RAB28: variants seen among roughly 807,000 people sequenced by gnomAD.
RAB28 encodes the protein ras-related protein Rab-28.
In RAB28, 24 loss-of-function variants were observed where a neutral mutation model predicts 31.7. The observed-to-expected ratio is 0.76, with a 90% CI of 0.55 to 1.06. The LOEUF is 1.06. Among genes scored for constraint, RAB28 ranks in the 50% least tolerant of loss-of-function variants. The pLI, the probability that RAB28 is intolerant of heterozygous loss-of-function variation, is 0.00. For missense variants in RAB28, 254 were observed against 258.5 expected, an observed-to-expected ratio of 0.98 and a Z score of 0.12; for synonymous variants, 100 against 90.4, an observed-to-expected ratio of 1.11 and a Z score of -0.60.
intron 3 of RAB28, among the ~76,000 whole-genome samples, chr4:13,462,830 C>T (rs1032030945): frequency 8.5e-5 from 13 of 152,170 alleles, no homozygotes; most frequent in African/African-American, 3.1e-4. Context: ...GAGTATCTCA[C>T]TTTCTTATTA....
intron 4 of RAB28, among the ~76,000 whole-genome samples, chr4:13,390,906 A>T (rs9993091): frequency 0.094 from 14,286 of 152,252 alleles, 1,325 homozygotes; most frequent in African/African-American, 0.24. Flanking sequence ...AAATTAATTC[A>T]AGATGGATTA....
chr4:13,414,141 G>A (rs1017911230), intron 4 of RAB28, among the ~76,000 whole-genome samples: 3 of 152,080 alleles, frequency 2.0e-5, no homozygotes, highest in Non-Finnish European at 4.4e-5. Context: ...CAAAAGCTAC[G>A]GTTTCTAACA....
At chr4:13,376,721 G>A in intron 5 of RAB28, 99 bp from the exon 6 acceptor site, 1 of 672,520 alleles carries the variant, frequency 1.5e-6, no homozygotes, top group Non-Finnish European at 2.5e-6. Context: ...AGCAATAATT[G>A]CAAAAATATG....
At chr4:13,409,952 T>C (rs1196452423) in intron 4 of RAB28, among the ~76,000 whole-genome samples, 4 of 152,114 alleles carry the variant, frequency 2.6e-5, no homozygotes. Context: ...GACTGGATCA[T>C]GGGAGTGGTT....
At chr4:13,401,193 G>A (rs1461781166) in intron 4 of RAB28, among the ~76,000 whole-genome samples, 1 of 152,138 alleles carries the variant, frequency 6.6e-6, no homozygotes, top group African/African-American at 2.4e-5. Flanking sequence ...TGGATCCACA[G>A]TATTCTTTGT....
chr4:13,435,573 A>T (rs1429596596), intron 4 of RAB28, among the ~76,000 whole-genome samples: 1 of 152,208 alleles, frequency 6.6e-6, no homozygotes, highest in Non-Finnish European at 1.5e-5. Flanking sequence ...ACTACAAAAG[A>T]TCCCCAAAGA....
chr4:13,417,267 G>C (rs552893408), intron 4 of RAB28, among the ~76,000 whole-genome samples: 7 of 152,204 alleles, frequency 4.6e-5, no homozygotes, highest in Non-Finnish European at 8.8e-5. Flanking sequence ...CCACAGCTCT[G>C]CAAGGAAGGC....
At chr4:13,443,996 T>C (rs1028074154) in intron 4 of RAB28, among the ~76,000 whole-genome samples, 3 of 152,134 alleles carry the variant, frequency 2.0e-5, no homozygotes, top group Non-Finnish European at 2.9e-5. Context: ...TTCATCCATG[T>C]TGTCAAAAAT....
At chr4:13,422,979 CA>C (rs1001858509) in intron 4 of RAB28, among the ~76,000 whole-genome samples, 42 of 147,066 alleles carry the variant, frequency 2.9e-4, no homozygotes, top group African/African-American at 8.7e-4. Context: ...AATTTTACCT[CA>C]AAAAAAAAAT....
rs539020411 is a variant in RAB28, at chr4:13,437,523, A to G, written c.391+23176T>C. 2.6e-5 allele frequency among the ~76,000 whole-genome samples: 4 copies of G among 152,196 alleles called. 1 individual carries two copies. The South Asian group carries it at 8.3e-4, about 32-fold the overall frequency. On this transcript the variant is annotated intron_variant, in intron 4 of 6. Transcript: ENST00000330852. Reference sequence around the variant, plus strand: ...AATTTAAGTCAAGGAAAAAAAAATAACCGCAACAAAAAGTGGACTAATGAC... The same window carrying G: ...AATTTAAGTCAAGGAAAAAAAAATAGCCGCAACAAAAAGTGGACTAATGAC...
At chr4:13,424,058 TA>T (rs1010393453) in intron 4 of RAB28, among the ~76,000 whole-genome samples, 7 of 152,140 alleles carry the variant, frequency 4.6e-5, no homozygotes, top group Non-Finnish European at 1.0e-4. Flanking sequence ...CATCGGCCAA[TA>T]AAAATGTCAA....
intron 4 of RAB28, among the ~76,000 whole-genome samples, chr4:13,436,743 T>C (rs991613250): frequency 2.6e-5 from 4 of 152,080 alleles, no homozygotes; most frequent in African/African-American, 7.2e-5. Flanking sequence ...TGCTCAAAGA[T>C]TGGAAGAATC....
intron 3 of RAB28, 123 bp from the exon 4 acceptor site, chr4:13,460,951 A>G: frequency 1.1e-6 from 1 of 879,504 alleles, no homozygotes; most frequent in Middle Eastern, 2.7e-4. Context: ...GTAGTGTTTT[A>G]TATATAAACT....
intron 3 of RAB28, among the ~76,000 whole-genome samples, chr4:13,467,439 A>T (rs1715914406): frequency 6.6e-6 from 1 of 151,938 alleles, no homozygotes; most frequent in Non-Finnish European, 1.5e-5. Context: ...TATAAAATAC[A>T]ACTGTTTAAA....
At chr4:13,372,155 A>T (rs1034170942) in intron 6 of RAB28, among the ~76,000 whole-genome samples, 3 of 152,108 alleles carry the variant, frequency 2.0e-5, no homozygotes, top group African/African-American at 7.2e-5. Context: ...ACATTTAGGT[A>T]AATAATGCAT....
At chr4:13,426,649 T>C (rs969966914) in intron 4 of RAB28, among the ~76,000 whole-genome samples, 77 of 152,306 alleles carry the variant, frequency 5.1e-4, no homozygotes, top group Middle Eastern at 3.4e-3. Flanking sequence ...CTATGACTTA[T>C]TCATTTTTAA....
chr4:13,388,593 T>C (rs1729488980), intron 4 of RAB28, among the ~76,000 whole-genome samples: 1 of 151,908 alleles, frequency 6.6e-6, no homozygotes, highest in South Asian at 2.1e-4. Context: ...ACCTACAAAA[T>C]GGGAGAAGAT....
At chr4:13,368,831 T>C (rs996196214) in intron 6 of RAB28, among the ~76,000 whole-genome samples, 181 bp from the exon 7 acceptor site, 1 of 152,020 alleles carries the variant, frequency 6.6e-6, no homozygotes, top group South Asian at 2.1e-4. Flanking sequence ...TTTTTTTTTT[T>C]CAAGAAGAGA....
chr4:13,376,788 TATA>T (rs1728941358), intron 5 of RAB28, among the ~76,000 whole-genome samples, 166 bp from the exon 6 acceptor site: 2 of 152,106 alleles, frequency 1.3e-5, no homozygotes, highest in Admixed American at 1.3e-4. Context: ...ACATTTTAAA[TATA>T]ATAATTTTTA....
Sources: allele counts gnomAD v4.1 joint callset (sites outside exome capture counted in the v4.1 genomes callset), GRCh38; gene constraint gnomAD v4.1.1; transcripts MANE v1.5; gene names NCBI Gene and HGNC (gene_info 2026-07-23, HGNC 2026-07-21).